ATP9B: variants seen among roughly 807,000 people sequenced by gnomAD.
ATP9B encodes the protein ATPase phospholipid transporting 9B.
Under a neutral mutation model 146.1 loss-of-function variants are expected in ATP9B, and 110 were observed. That is an observed-to-expected ratio of 0.75 (90% CI 0.65 to 0.88). ATP9B has a LOEUF of 0.88. Among genes scored for constraint, ATP9B ranks in the 40% least tolerant of loss-of-function variants. ATP9B has a pLI of 0.00. For missense variants in ATP9B, 1,499 were observed against 1,496.4 expected (o/e 1.00, Z -0.03); for synonymous variants, 604 against 569.7 (o/e 1.06, Z -0.86).
intron 11 of ATP9B, among the ~76,000 whole-genome samples, chr18:79,237,223 C>T (rs2144594324): frequency 7.1e-6 from 1 of 141,442 alleles, no homozygotes; most frequent in South Asian, 2.4e-4. Flanking sequence ...TGCCCCTTCC[C>T]CCTTCCCCAC....
rs545984600 is a variant in ATP9B at position 79,298,154 on chromosome 18, C to T, written c.1412-5450C>T. Reference sequence around the variant, plus strand: ...GTATGGATATCAGAAAGGAAGAAATCGAGTTAAAATTAAAGAAAGAAAATT... The same window carrying T: ...GTATGGATATCAGAAAGGAAGAAATTGAGTTAAAATTAAAGAAAGAAAATT... On this transcript the variant is annotated intron_variant, in intron 13 of 29. Transcript: ENST00000426216. Among the ~76,000 whole-genome samples, 5 of 146,216 alleles carry T rather than the reference C, an allele frequency of 3.4e-5. 1 individual carries two copies. Among genetic ancestry groups the T allele is most frequent in the Non-Finnish European group, 7.6e-5 (5 of 66,012 alleles).
intron 12 of ATP9B, among the ~76,000 whole-genome samples, chr18:79,265,667 T>C (rs1381811600): frequency 2.7e-5 from 4 of 148,920 alleles, no homozygotes; most frequent in African/African-American, 1.0e-4. Context: ...GCTGTTAAGT[T>C]TTTTTTTTGA....
intron 10 of ATP9B, among the ~76,000 whole-genome samples, chr18:79,211,848 G>A (rs1289902646): frequency 6.6e-6 from 1 of 152,202 alleles, no homozygotes; most frequent in African/African-American, 2.4e-5. Flanking sequence ...GTTGGAGCGC[G>A]TTGTGAGGGA....
rs2096776740 is a variant in ATP9B, at chr18:79,329,147, C to T, written c.1780C>T (p.Leu594=). 1.3e-6 allele frequency: 2 copies of T among 1,594,508 alleles called. No homozygotes were observed. The highest frequency in any genetic ancestry group is 1.7e-6 in the Non-Finnish European group (2 of 1,171,452). Residue 594 remains leucine, a synonymous_variant, in exon 16 of 30, where the codon CTG becomes TTG. Coordinates refer to ENST00000426216, the MANE Select transcript of ATP9B (RefSeq NM_198531.5). ...TGTTGCTGGTCTCCCGTAGGTCGCT[C>T]TGGTGCAGTGGACAGAGAGTGTGGG... The part of the protein sequence containing the change: ...YQASSPDEVA[L]VQWTESVGLT...
intron 1 of ATP9B, among the ~76,000 whole-genome samples, chr18:79,073,304 C>T (rs1233079684): frequency 1.3e-5 from 2 of 152,116 alleles, no homozygotes; most frequent in Non-Finnish European, 2.9e-5. Context: ...TTGTAGCGAG[C>T]CGAGATCACC....
At chr18:79,282,833 T>G (rs1403745995) in intron 13 of ATP9B, among the ~76,000 whole-genome samples, 14 of 152,202 alleles carry the variant, frequency 9.2e-5, no homozygotes, top group Admixed American at 8.5e-4. Flanking sequence ...TGAGTCTTGG[T>G]GCCCCCCAAC....
chr18:79,171,167 G>T (rs1025317703), intron 7 of ATP9B, among the ~76,000 whole-genome samples: 3 of 152,152 alleles, frequency 2.0e-5, no homozygotes, highest in African/African-American at 7.2e-5. Flanking sequence ...GAACTTGATA[G>T]AGCTTTTTTA....
intron 18 of ATP9B, 23 bp from the exon 19 acceptor site, chr18:79,337,256 G>A (rs1453864556): frequency 6.2e-7 from 1 of 1,613,216 alleles, no homozygotes. Context: ...TGTGCACACA[G>A]GCGCCTCCCC....
Position 79,328,143 on chromosome 18 carries a change from T to C in ATP9B, c.1774-998T>C, listed in dbSNP as rs112279844. On this transcript the variant is annotated intron_variant, in intron 15 of 29. Coordinates refer to ENST00000426216, the MANE Select transcript of ATP9B (RefSeq NM_198531.5). ...TGCTCTCCGTGGATAGCGTGCTCTC[T>C]GTGGTTAGCGTGCTCTCCGTGGTTA... Among the ~76,000 whole-genome samples, 878 of 126,712 alleles carry C rather than the reference T, an allele frequency of 6.9e-3. 20 individuals are homozygous for C. Among genetic ancestry groups the C allele is most frequent in the African/African-American group, 0.021 (677 of 32,070 alleles). 83.1% of individuals were successfully genotyped at this position (126,712 alleles called of 152,430 possible). A position where few individuals can be genotyped will look rare whatever the true frequency, so the allele number is the denominator to read the frequency against.
intron 2 of ATP9B, among the ~76,000 whole-genome samples, chr18:79,102,515 C>G (rs2075356956): frequency 6.6e-6 from 1 of 152,142 alleles, no homozygotes; most frequent in African/African-American, 2.4e-5. Context: ...TCAGTTCCTG[C>G]CAGTACCACA....
In ATP9B at chr18:79,172,502, C is replaced by T. The variant is rs1227488392; in HGVS notation, c.779-4311C>T. On this transcript the variant is annotated intron_variant, in intron 7 of 29. Transcript: ENST00000426216. ...CCTCCCAAGGTGCTGTGATTACAGGCGTGAGCCACCGTGCCCCGCCCTTGC... is the reference window on the plus strand; with the variant it reads ...CCTCCCAAGGTGCTGTGATTACAGGTGTGAGCCACCGTGCCCCGCCCTTGC... Among the ~76,000 whole-genome samples, 29 of 101,928 alleles carry T rather than the reference C, an allele frequency of 2.8e-4. No homozygotes were observed. In the South Asian group the frequency reaches 3.0e-3, roughly 10 times the overall value. 66.9% of individuals were successfully genotyped at this position (101,928 alleles called of 152,430 possible).
At chr18:79,300,439 G>A (rs542846170) in intron 13 of ATP9B, among the ~76,000 whole-genome samples, 32 of 152,292 alleles carry the variant, frequency 2.1e-4, no homozygotes, top group South Asian at 1.7e-3. Context: ...AGAGGCCAGC[G>A]GGGCCAGACA....
intron 15 of ATP9B, among the ~76,000 whole-genome samples, chr18:79,318,458 G>A (rs1004943813): frequency 8.5e-5 from 13 of 152,150 alleles, no homozygotes; most frequent in Non-Finnish European, 1.5e-4. Context: ...CAAAATACCC[G>A]ACCAGTACTT....
intron 15 of ATP9B, among the ~76,000 whole-genome samples, chr18:79,328,405 T>G (rs1285241981): frequency 6.6e-6 from 1 of 152,238 alleles, no homozygotes; most frequent in Non-Finnish European, 1.5e-5. Flanking sequence ...TTTTAATAAG[T>G]CAATAAATAA....
intron 12 of ATP9B, among the ~76,000 whole-genome samples, chr18:79,276,630 ACT>A (rs1019324073): frequency 9.9e-5 from 15 of 152,244 alleles, no homozygotes; most frequent in African/African-American, 3.6e-4. Flanking sequence ...ATACGGGCAC[ACT>A]CACAACAGTC....
intron 2 of ATP9B, among the ~76,000 whole-genome samples, chr18:79,108,092 G>C (rs549052246): frequency 6.6e-6 from 1 of 152,284 alleles, no homozygotes; most frequent in African/African-American, 2.4e-5. Flanking sequence ...GGTGGGAGGA[G>C]TTGGGGAAGG....
chr18:79,193,104 T>C, intron 8 of ATP9B, 79 bp from the exon 9 acceptor site: 1 of 1,081,368 alleles, frequency 9.2e-7, no homozygotes, highest in East Asian at 2.5e-5. Flanking sequence ...ATGAACAATA[T>C]TAATCAGCAA....
chr18:79,307,211 T>TA lies in ATP9B; in HGVS notation c.1751dup (p.Tyr584Ter). 2 of 1,614,222 alleles carry TA rather than the reference T, an allele frequency of 1.2e-6. No homozygotes were observed. Among genetic ancestry groups the TA allele is most frequent in the Non-Finnish European group, 1.7e-6 (2 of 1,180,028 alleles). ...DQDFSDENRT[Y>*]QASSPDEVAL... ...AGACTTCAGTGATGAGAATCGCACC[T>TA]ACCAGGCTTCCAGCCCGGATGAGGT... The change falls in exon 15 of 30, where the codon TAC becomes TAAC. Residue 584 changes from tyrosine to a stop codon, truncating the protein, a stop_gained and frameshift_variant. Transcript: ENST00000426216. LOFTEE classifies it high-confidence loss of function.
intron 1 of ATP9B, among the ~76,000 whole-genome samples, chr18:79,092,365 G>A (rs2074396695): frequency 6.6e-6 from 1 of 152,202 alleles, no homozygotes; most frequent in East Asian, 1.9e-4. Flanking sequence ...TGACACAATT[G>A]TGTATCTGTG....
Sources: allele counts gnomAD v4.1 joint callset (sites outside exome capture counted in the v4.1 genomes callset), GRCh38; gene constraint gnomAD v4.1.1; transcripts MANE v1.5; gene names NCBI Gene and HGNC (gene_info 2026-07-23, HGNC 2026-07-21).